The following AHI1 variants were observed in gnomAD, a reference collection of about 807,000 sequenced individuals.
The protein encoded by AHI1 is Abelson helper integration site 1.
Under a neutral mutation model 149.3 loss-of-function variants are expected in AHI1, and 123 were observed. The ratio of observed to expected loss-of-function variants is 0.82; its 90% confidence interval spans 0.71 to 0.96. The LOEUF (loss-of-function observed/expected upper bound fraction) is 0.96, where lower values mean the gene tolerates loss of function less well. AHI1 is among the 40% of genes least tolerant of loss of function. AHI1 has a pLI of 0.00. For missense variants in AHI1, 1,439 were observed against 1,422.7 expected (o/e 1.01, Z -0.18); for synonymous variants, 475 against 459.8 (o/e 1.03, Z -0.42).
At chr6:135,458,999 C>A (rs1789439551) in intron 8 of AHI1, among the ~76,000 whole-genome samples, 1 of 152,028 alleles carries the variant, frequency 6.6e-6, no homozygotes, top group Non-Finnish European at 1.5e-5. Context: ...AATAAGTAGA[C>A]CAAAAAAATT....
chr6:135,296,519 C>T (rs1783114856), intron 27 of AHI1, among the ~76,000 whole-genome samples: 1 of 152,110 alleles, frequency 6.6e-6, no homozygotes, highest in Non-Finnish European at 1.5e-5. Flanking sequence ...CTCTAAAAAG[C>T]CTAATTTCCT....
chr6:135,323,609 A>C (rs186337578), intron 24 of AHI1, among the ~76,000 whole-genome samples: 4 of 152,334 alleles, frequency 2.6e-5, no homozygotes, highest in Admixed American at 6.5e-5. Context: ...TTGTGAAGCA[A>C]ATAAAAAAAA....
chr6:135,411,471 T>A lies in AHI1; in HGVS notation c.2838A>T (p.Gln946His). 2 of 1,613,382 alleles carry A rather than the reference T, an allele frequency of 1.2e-6. No homozygotes were observed. The highest frequency in any genetic ancestry group is 8.5e-7 in the Non-Finnish European group (1 of 1,179,548). Residue 946 changes from glutamine (Q) to histidine (H), a missense_variant, in exon 21 of 29, where the codon CAA becomes CAT. Transcript: ENST00000265602. ...GTTTTGGACAGGTACATAGGGCATCTTGACTTTGGTGTATTCCAGGTAATG... is the reference window on the plus strand; with the variant it reads ...GTTTTGGACAGGTACATAGGGCATCATGACTTTGGTGTATTCCAGGTAATG... ...TFPLPGIHQS[Q>H]DALCTCPKLP...
intron 23 of AHI1, among the ~76,000 whole-genome samples, chr6:135,361,912 G>C (rs888432937): frequency 4.6e-5 from 7 of 151,974 alleles, no homozygotes; most frequent in Non-Finnish European, 1.0e-4. Context: ...TTCTTTAGTG[G>C]TGATTTATGA....
Position 135,490,672 on chromosome 6 carries a change from TCACGCATTAGATCA to T in AHI1, c.72_85del (p.Ser24ArgfsTer13), listed in dbSNP as rs780910490. On this transcript the variant is annotated frameshift_variant, in exon 5 of 29. Transcript: ENST00000265602. LOFTEE classifies it high-confidence loss of function. Reference sequence around the variant, plus strand: ...AAGTTTTTTCTTCAGTTTTTTCTTTTCACGCATTAGATCACTGTGGGTCTTAAGCAATTCTTCAA... The same window carrying T: ...AAGTTTTTTCTTCAGTTTTTTCTTTTCTGTGGGTCTTAAGCAATTCTTCAA... 7.9e-5 allele frequency: 128 copies of T among 1,613,584 alleles called. No homozygotes were observed. The highest frequency in any genetic ancestry group is 1.8e-4 in the Admixed American group (11 of 60,004).
In AHI1 at chr6:135,338,817, A is replaced by G. The variant is rs1454728607; in HGVS notation, c.3166-15493T>C. On this transcript the variant is annotated intron_variant, in intron 24 of 28. Coordinates refer to ENST00000265602, the MANE Select transcript of AHI1 (RefSeq NM_001134831.2). The stretch of plus-strand genomic sequence containing the variant: ...AAACTAGCAGCCTAGCAGTTACTAG[A>G]CAGGGCAGAATGGGTCTGGAGCACC... Among the ~76,000 whole-genome samples the G allele has an allele frequency of 3.9e-5, 6 of 152,204 alleles. No individual in the cohort carries two copies. In the East Asian group the frequency reaches 7.7e-4, roughly 20 times the overall value.
chr6:135,423,424 A>G (rs1445565515), intron 20 of AHI1, among the ~76,000 whole-genome samples: 1 of 152,200 alleles, frequency 6.6e-6, no homozygotes, highest in Non-Finnish European at 1.5e-5. Flanking sequence ...AGCAACTTAA[A>G]TAACAAATTT....
In AHI1 at chr6:135,493,680, T is replaced by C. The variant is rs545264895; in HGVS notation, c.-54-1389A>G. 2.4e-4 allele frequency among the ~76,000 whole-genome samples: 37 copies of C among 152,230 alleles called. 1 individual carries two copies. The highest frequency in any genetic ancestry group is 2.4e-3 in the Admixed American group (36 of 15,286). The stretch of plus-strand genomic sequence containing the variant: ...AATCATAAAACAAATAAAAATTTAA[T>C]ATTTATACTACTCGATGGTCATCTA... On this transcript the variant is annotated intron_variant, in intron 3 of 28. Transcript: ENST00000265602.
intron 24 of AHI1, among the ~76,000 whole-genome samples, chr6:135,331,931 G>C (rs1174938255): frequency 6.6e-6 from 1 of 152,074 alleles, no homozygotes; most frequent in African/African-American, 2.4e-5. Context: ...CCAAGTTTGT[G>C]GTAGTTTGCT....
chr6:135,331,330 C>G (rs566519283), intron 24 of AHI1, among the ~76,000 whole-genome samples: 2 of 152,248 alleles, frequency 1.3e-5, no homozygotes, highest in African/African-American at 4.8e-5. Flanking sequence ...AAATAGAGTT[C>G]TTCTTTTTCT....
chr6:135,374,262 G>C (rs1470133970), intron 23 of AHI1, among the ~76,000 whole-genome samples: 1 of 150,940 alleles, frequency 6.6e-6, no homozygotes, highest in African/African-American at 2.4e-5. Context: ...ACAGGTGCCC[G>C]CCATCACGCC....
At chr6:135,353,696 G>T (rs564491113) in intron 24 of AHI1, among the ~76,000 whole-genome samples, 8 of 151,966 alleles carry the variant, frequency 5.3e-5, no homozygotes, top group African/African-American at 1.9e-4. Flanking sequence ...AGAGATTCAG[G>T]ATAAAATTTA....
chr6:135,406,772 A>G (rs937477732), intron 21 of AHI1, among the ~76,000 whole-genome samples: 29 of 152,168 alleles, frequency 1.9e-4, no homozygotes, highest in Non-Finnish European at 3.4e-4. Context: ...ACAGGATGAG[A>G]TCTTGAGTGT....
At chr6:135,318,842 T>C (rs1786381347) in intron 25 of AHI1, among the ~76,000 whole-genome samples, 2 of 152,258 alleles carry the variant, frequency 1.3e-5, no homozygotes, top group Admixed American at 1.3e-4. Flanking sequence ...ATTTCAGAAA[T>C]GCAGAAGGTG....
At chr6:135,379,932 C>T (rs1443565913) in intron 23 of AHI1, among the ~76,000 whole-genome samples, 4 of 130,328 alleles carry the variant, frequency 3.1e-5, no homozygotes, top group Non-Finnish European at 5.0e-5. Flanking sequence ...TCCCTCCCTC[C>T]CCCAACTCCC....
rs1795895800 is a variant in AHI1 at position 135,495,894 on chromosome 6, T to C, written c.-135A>G. ...TGGGAATTTAAAATGGCACCTATTT[T>C]AGTACTGTAAGGAGAAGAGAAAATA... On this transcript the variant is annotated 5_prime_UTR_variant, in exon 3 of 29. Transcript: ENST00000265602. 6.6e-6 allele frequency: 1 copy of C among 152,220 alleles called. No individual in the cohort carries two copies. Among genetic ancestry groups the C allele is most frequent in the African/African-American group, 2.4e-5 (1 of 41,436 alleles). The allele number at this position is 152,220 out of a possible 1,614,324, so 9.4% of individuals were successfully genotyped here.
At chr6:135,383,664 T>C (rs1438763715) in intron 23 of AHI1, among the ~76,000 whole-genome samples, 1 of 152,184 alleles carries the variant, frequency 6.6e-6, no homozygotes, top group Non-Finnish European at 1.5e-5. Flanking sequence ...TAGAAAAACC[T>C]ATTTTAAAAT....
chr6:135,478,095 C>T (rs140142604), intron 5 of AHI1, among the ~76,000 whole-genome samples: 11 of 152,246 alleles, frequency 7.2e-5, no homozygotes, highest in African/African-American at 2.6e-4. Context: ...GCCACAGCGC[C>T]GAGCCTCAGG....
intron 25 of AHI1, among the ~76,000 whole-genome samples, chr6:135,319,783 A>G (rs1786526987): frequency 6.6e-6 from 1 of 152,176 alleles, no homozygotes; most frequent in Non-Finnish European, 1.5e-5. Context: ...ATGTGGAGTG[A>G]TTTTATTATT....
Sources: allele counts gnomAD v4.1 joint callset (sites outside exome capture counted in the v4.1 genomes callset), GRCh38; gene constraint gnomAD v4.1.1; transcripts MANE v1.5; gene names NCBI Gene and HGNC (gene_info 2026-07-23, HGNC 2026-07-21).